The following TET3 variants were observed in gnomAD, a reference collection of about 807,000 sequenced individuals.
TET3 encodes the protein tet methylcytosine dioxygenase 3, also known as methylcytosine dioxygenase TET3.
A neutral mutation model predicts 141.4 loss-of-function variants in TET3; 19 were observed. That is an observed-to-expected ratio of 0.13 (90% CI 0.09 to 0.20). The LOEUF (loss-of-function observed/expected upper bound fraction) is 0.20. Ranked by LOEUF, TET3 falls within the 10% of genes least tolerant of loss-of-function variation. The pLI is 1.00. For missense variants in TET3, 1,874 were observed against 2,356.9 expected, an observed-to-expected ratio of 0.80 and a Z score of 4.24; for synonymous variants, 1,043 against 980.9, an observed-to-expected ratio of 1.06 and a Z score of -1.18.
At chr2:74,072,104 G>C (rs1181931686) in intron 4 of TET3, among the ~76,000 whole-genome samples, 1 of 152,126 alleles carries the variant, frequency 6.6e-6, no homozygotes, top group East Asian at 1.9e-4. Context: ...CCAGCCCCCA[G>C]CCTCTGGCAA....
rs981781683 is a variant in TET3 at position 74,107,217 on chromosome 2, A to C, written c.*5041A>C. 1 of 152,344 alleles carries C rather than the reference A, an allele frequency of 6.6e-6. No individual in the cohort carries two copies. The highest frequency in any genetic ancestry group is 6.5e-5 in the Admixed American group (1 of 15,288). 9.4% of individuals were successfully genotyped at this position (152,344 alleles called of 1,614,324 possible). A position where few individuals can be genotyped will look rare whatever the true frequency, so the allele number is the denominator to read the frequency against. ...AGGGGCGGCCCCCTCTGGTGCTCCC[A>C]GCCCTTCCTCCTGCAGAGCTGCAGG... On this transcript the variant is annotated 3_prime_UTR_variant, in exon 12 of 12. Transcript: ENST00000409262.
intron 4 of TET3, among the ~76,000 whole-genome samples, chr2:74,071,116 C>A (rs1002809813): frequency 6.6e-6 from 1 of 152,174 alleles, no homozygotes; most frequent in Admixed American, 6.5e-5. Flanking sequence ...AGACAGCCAC[C>A]TCCTCGCTAT....
At chr2:73,997,180 GC>G (rs1684635496) in intron 2 of TET3, among the ~76,000 whole-genome samples, 1 of 152,242 alleles carries the variant, frequency 6.6e-6, no homozygotes, top group African/African-American at 2.4e-5. Flanking sequence ...CATGCCTCCT[GC>G]CCCTCCTAAT....
intron 3 of TET3, among the ~76,000 whole-genome samples, chr2:74,012,216 G>A (rs1381872149): frequency 6.6e-6 from 1 of 152,074 alleles, no homozygotes; most frequent in African/African-American, 2.4e-5. Context: ...CCCCTCCTTG[G>A]CCTCCCAAAG....
intron 2 of TET3, among the ~76,000 whole-genome samples, chr2:73,994,066 TC>T (rs1684459845): frequency 6.6e-6 from 1 of 152,062 alleles, no homozygotes; most frequent in Admixed American, 6.6e-5. Flanking sequence ...GTTGGGGCAG[TC>T]AGGTACAGTG....
rs537949783 is a variant in TET3, at chr2:74,106,293, G to C, written c.*4117G>C. On this transcript the variant is annotated 3_prime_UTR_variant, in exon 12 of 12. Transcript: ENST00000409262. ...GCAGGTGCTTTTTGGTTCCACACCT[G>C]TCTTCTCAGGCTTGATGTGAAAGAA... 6.6e-6 allele frequency: 1 copy of C among 152,384 alleles called. No individual in the cohort carries two copies. Among genetic ancestry groups the C allele is most frequent in the South Asian group, 2.1e-4 (1 of 4,822 alleles). The allele number at this position is 152,384 out of a possible 1,614,324, so 9.4% of individuals were successfully genotyped here. A position where few individuals can be genotyped will look rare whatever the true frequency, so the allele number is the denominator to read the frequency against.
At chr2:74,115,337 CAT>C in the TET3 span, among the ~76,000 whole-genome samples, 1 of 152,164 alleles carries the variant, frequency 6.6e-6, no homozygotes, top group African/African-American at 2.4e-5. Flanking sequence ...CCAAATACCA[CAT>C]GTTCTCACTT....
intron 3 of TET3, among the ~76,000 whole-genome samples, chr2:74,008,232 A>T (rs991239388): frequency 1.3e-5 from 2 of 152,202 alleles, no homozygotes; most frequent in African/African-American, 4.8e-5. Flanking sequence ...TTTTTGTCCC[A>T]TAAGTTCTCT....
At chr2:74,083,608 C>T (rs563605154) in intron 6 of TET3, among the ~76,000 whole-genome samples, 2 of 152,308 alleles carry the variant, frequency 1.3e-5, no homozygotes, top group African/African-American at 4.8e-5. Context: ...GTGCCTCTGT[C>T]AGCCTTTGAC....
rs1691562449 is a variant in TET3 at position 74,107,473 on chromosome 2, A to C, written c.*5297A>C. ...CACTCTTCACACGGGGATTTAAATT[A>C]AGAAACTAATTGGCTCATGTGAACA... is the stretch of plus-strand genomic sequence containing the variant. On this transcript the variant is annotated 3_prime_UTR_variant, in exon 12 of 12. Coordinates refer to ENST00000409262, the MANE Select transcript of TET3 (RefSeq NM_001287491.2). The C allele has an allele frequency of 6.6e-6, 1 of 152,168 alleles. No individual in the cohort carries two copies. The highest frequency in any genetic ancestry group is 2.1e-4 in the South Asian group (1 of 4,828). 9.4% of individuals were successfully genotyped at this position (152,168 alleles called of 1,614,324 possible). A position where few individuals can be genotyped will look rare whatever the true frequency, so the allele number is the denominator to read the frequency against.
intron 2 of TET3, among the ~76,000 whole-genome samples, chr2:74,001,729 C>G (rs922063477): frequency 2.0e-5 from 3 of 152,174 alleles, no homozygotes; most frequent in African/African-American, 7.2e-5. Context: ...TCTCATCCTG[C>G]CCTCCTTTCA....
At chr2:74,021,201 C>T (rs1460860959) in intron 3 of TET3, among the ~76,000 whole-genome samples, 2 of 152,192 alleles carry the variant, frequency 1.3e-5, no homozygotes, top group Non-Finnish European at 2.9e-5. Context: ...CCCCATGAGG[C>T]CCCAGCTGCA....
intron 4 of TET3, among the ~76,000 whole-genome samples, chr2:74,054,938 C>G (rs1338419214): frequency 1.3e-5 from 2 of 152,158 alleles, no homozygotes; most frequent in Admixed American, 6.5e-5. Flanking sequence ...CTGTGTCACT[C>G]AGGCTGGATA....
rs144565350 is a variant in TET3 at position 73,987,255 on chromosome 2, G to A, written c.303+549G>A. Among the ~76,000 whole-genome samples the A allele has an allele frequency of 3.9e-4, 60 of 152,198 alleles. 1 individual carries two copies. In the East Asian group the frequency reaches 6.6e-3, roughly 17 times the overall value. On this transcript the variant is annotated intron_variant, in intron 2 of 11. Coordinates refer to ENST00000409262, the MANE Select transcript of TET3 (RefSeq NM_001287491.2). ...GTTCCCCTATCTTAGTTCTTCTTGCGGTCAAAAACTTTATTTCTGTGTTCT... is the reference window on the plus strand; with the variant it reads ...GTTCCCCTATCTTAGTTCTTCTTGCAGTCAAAAACTTTATTTCTGTGTTCT...
intron 3 of TET3, among the ~76,000 whole-genome samples, chr2:74,039,380 G>T (rs1259467794): frequency 6.6e-6 from 1 of 152,158 alleles, no homozygotes; most frequent in African/African-American, 2.4e-5. Flanking sequence ...TGCCCAGATA[G>T]CTGTATATAC....
chr2:74,039,130 G>C (rs534227406), intron 3 of TET3, among the ~76,000 whole-genome samples: 3 of 152,290 alleles, frequency 2.0e-5, no homozygotes, highest in Admixed American at 6.5e-5. Flanking sequence ...TCTGCTCTCT[G>C]TAGCATTCAG....
intron 2 of TET3, among the ~76,000 whole-genome samples, chr2:73,988,989 A>ATTTT (rs1558689017): frequency 4.7e-5 from 6 of 128,946 alleles, no homozygotes; most frequent in African/African-American, 1.8e-4. Flanking sequence ...AAAAAAAAAA[A>ATTTT]GTTTTTTTTG....
chr2:74,010,977 C>T (rs190848606), intron 3 of TET3, among the ~76,000 whole-genome samples: 5 of 152,146 alleles, frequency 3.3e-5, no homozygotes, highest in East Asian at 1.9e-4. Flanking sequence ...GTGGCTCATG[C>T]GTGTAATCCC....
intron 3 of TET3, among the ~76,000 whole-genome samples, chr2:74,035,996 G>A (rs1687034832): frequency 1.3e-5 from 2 of 152,126 alleles, no homozygotes; most frequent in Non-Finnish European, 1.5e-5. Flanking sequence ...CAGCCTGGGC[G>A]ACAGAGTGAG....
Sources: gnomAD v4.1 joint callset for allele counts (sites outside exome capture counted in the v4.1 genomes callset) on GRCh38, gnomAD v4.1.1 for gene constraint, MANE v1.5 for transcripts, NCBI Gene and HGNC (gene_info 2026-07-23, HGNC 2026-07-21) for gene names.